LMO7: variants seen among roughly 807,000 people sequenced by gnomAD.
LMO7 encodes LIM domain 7.
Under a neutral mutation model 206.5 loss-of-function variants are expected in LMO7, and 120 were observed. The ratio of observed to expected loss-of-function variants is 0.58; its 90% CI spans 0.50 to 0.68. The LOEUF (loss-of-function observed/expected upper bound fraction) is 0.68. LMO7 is among the 30% of genes least tolerant of loss of function. The pLI is 0.00. For synonymous variants in LMO7, 706 were observed against 681.5 expected (o/e 1.04, Z -0.56); for missense variants, 1,959 against 1,957.9 (o/e 1.00, Z -0.01).
chr13:75,740,479 A>T (rs762667956), intron 3 of LMO7, among the ~76,000 whole-genome samples: 1 of 152,232 alleles, frequency 6.6e-6, no homozygotes, highest in Non-Finnish European at 1.5e-5. Flanking sequence ...TAAATTAAAG[A>T]AGCAAAATAC....
At chr13:75,688,207 A>G (rs889860411) in intron 1 of LMO7, among the ~76,000 whole-genome samples, 1 of 152,144 alleles carries the variant, frequency 6.6e-6, no homozygotes, top group Non-Finnish European at 1.5e-5. Flanking sequence ...GTAACACAGT[A>G]CCTTTAAACC....
intron 15 of LMO7, among the ~76,000 whole-genome samples, chr13:75,831,457 G>A (rs1172600843): frequency 6.6e-6 from 1 of 152,056 alleles, no homozygotes; most frequent in African/African-American, 2.4e-5. Context: ...TCAAATTCTT[G>A]TGTACTCAGT....
Position 75,623,156 on chromosome 13 carries a change from A to G in LMO7, c.176-115A>G, listed in dbSNP as rs1394722070. The G allele has an allele frequency of 4.9e-6, 3 of 611,308 alleles. No individual in the cohort carries two copies. In the African/African-American group the frequency reaches 5.7e-5, roughly 12 times the overall value. 37.9% of individuals were successfully genotyped at this position (611,308 alleles called of 1,614,324 possible). On this transcript the variant is annotated intron_variant, in intron 1 of 29. Transcript: ENST00000341547. Reference sequence around the variant, plus strand: ...TTTGGCATCTCTACTAAATAGTATCATGCTTTGGAATTTCAGTAAAATATT... The same window carrying G: ...TTTGGCATCTCTACTAAATAGTATCGTGCTTTGGAATTTCAGTAAAATATT...
intron 1 of LMO7, among the ~76,000 whole-genome samples, chr13:75,668,111 G>A (rs146034491): frequency 2.3e-4 from 35 of 152,306 alleles, no homozygotes; most frequent in African/African-American, 7.9e-4. Flanking sequence ...GGGAGGCTGA[G>A]GCACAAGAAT....
rs2061152139 is a variant in LMO7, at chr13:75,859,159, T to A, written c.*1216T>A. On this transcript the variant is annotated 3_prime_UTR_variant, in exon 31 of 31. Transcript: ENST00000377534. ...TTAAACTTACTGGAATCTTTTATAA[T>A]AATGTAAGTGGAATGGAGGATTCTA... 6.6e-6 allele frequency: 1 copy of A among 152,200 alleles called. No individual in the cohort carries two copies. Among genetic ancestry groups the A allele is most frequent in the Non-Finnish European group, 1.5e-5 (1 of 68,026 alleles). 9.4% of individuals were successfully genotyped at this position (152,200 alleles called of 1,614,324 possible). A position where few individuals can be genotyped will look rare whatever the true frequency, so the allele number is the denominator to read the frequency against.
intron 15 of LMO7, among the ~76,000 whole-genome samples, chr13:75,830,294 G>A (rs2058537369): frequency 6.6e-6 from 1 of 152,162 alleles, no homozygotes; most frequent in South Asian, 2.1e-4. Context: ...TAAGGGGAAG[G>A]CCCCACAAGT....
At chr13:75,782,436 T>C (rs1477284359) in intron 4 of LMO7, among the ~76,000 whole-genome samples, 1 of 152,216 alleles carries the variant, frequency 6.6e-6, no homozygotes, top group African/African-American at 2.4e-5. Context: ...GTCTCACCTC[T>C]GTAAAATGTG....
chr13:75,818,319 T>C (rs2057254110), intron 12 of LMO7, among the ~76,000 whole-genome samples: 1 of 152,152 alleles, frequency 6.6e-6, no homozygotes, highest in Admixed American at 6.5e-5. Flanking sequence ...TCTCAGGCTG[T>C]TTTAAAGCAG....
At chr13:75,839,332 C>A (rs1375748830) in intron 20 of LMO7, among the ~76,000 whole-genome samples, 2 of 152,068 alleles carry the variant, frequency 1.3e-5, no homozygotes, top group African/African-American at 4.8e-5. Flanking sequence ...TTTTCTAGGT[C>A]TCAAAGCAAT....
intron 1 of LMO7, among the ~76,000 whole-genome samples, chr13:75,651,339 TCA>T (rs1432790784): frequency 6.7e-6 from 1 of 148,312 alleles, no homozygotes; most frequent in Non-Finnish European, 1.5e-5. Flanking sequence ...AGACAGAGTC[TCA>T]CTTTGTCACC....
chr13:75,764,806 A>C (rs1210738504), intron 4 of LMO7, among the ~76,000 whole-genome samples: 1 of 152,168 alleles, frequency 6.6e-6, no homozygotes, highest in Non-Finnish European at 1.5e-5. Context: ...ACAGAGTGGC[A>C]ATGACTTTGA....
At chr13:75,680,677 C>T (rs559768536) in intron 1 of LMO7, among the ~76,000 whole-genome samples, 4 of 152,044 alleles carry the variant, frequency 2.6e-5, no homozygotes, top group South Asian at 4.2e-4. Flanking sequence ...CCCATCAACC[C>T]GTCACCTGTA....
Position 75,823,754 on chromosome 13 carries a change from C to A in LMO7, c.2830C>A (p.Leu944Ile), listed in dbSNP as rs1222557576. 6.2e-7 allele frequency: 1 copy of A among 1,614,150 alleles called. No homozygotes were observed. The highest frequency in any genetic ancestry group is 1.1e-5 in the South Asian group (1 of 91,084). The change falls in exon 15 of 31, where the codon CTT becomes ATT. Residue 944 changes from leucine (L) to isoleucine (I), a missense_variant. Leu to Ile is a conservative substitution (Grantham distance 5). Coordinates refer to ENST00000377534, the MANE Select transcript of LMO7 (RefSeq NM_001306080.2). ...CTCTCCTACATCCCCCTTCTCATCT[C>A]TTTCCCAAGACCAGGCTGCCACTTC... is the stretch of plus-strand genomic sequence containing the variant. ...LPSPTSPFSSLSQDQAATSKA... is the reference protein window; with the variant it reads ...LPSPTSPFSSISQDQAATSKA...
chr13:75,850,910 A>G (rs2060448234), intron 27 of LMO7, among the ~76,000 whole-genome samples: 1 of 152,032 alleles, frequency 6.6e-6, no homozygotes, highest in Non-Finnish European at 1.5e-5. Context: ...CTGTAGCTGT[A>G]GAGGCTTCAC....
chr13:75,784,415 G>A (rs988706487), intron 4 of LMO7, among the ~76,000 whole-genome samples: 3 of 152,088 alleles, frequency 2.0e-5, no homozygotes, highest in African/African-American at 4.8e-5. Context: ...CATTTGGGGA[G>A]GGTACTAATT....
At chr13:75,763,266 A>T (rs2048424265) in intron 4 of LMO7, among the ~76,000 whole-genome samples, 1 of 152,096 alleles carries the variant, frequency 6.6e-6, no homozygotes, top group Non-Finnish European at 1.5e-5. Context: ...AATGCACGGG[A>T]TAGCCTCCAC....
chr13:75,623,824 TGTGGTGTAACTAGGAAG>T (rs1263186139), intron 2 of LMO7, among the ~76,000 whole-genome samples: 1 of 152,230 alleles, frequency 6.6e-6, no homozygotes, highest in Non-Finnish European at 1.5e-5. Context: ...GAAATCTGAC[TGTGGTGTAACTAGGAAG>T]GTGATGTGAT....
At chr13:75,777,322 C>T (rs1323566861) in intron 4 of LMO7, among the ~76,000 whole-genome samples, 1 of 152,176 alleles carries the variant, frequency 6.6e-6, no homozygotes, top group East Asian at 1.9e-4. Context: ...CCTGCTTTAA[C>T]CAGCAAACCA....
intron 25 of LMO7, among the ~76,000 whole-genome samples, 195 bp downstream of exon 25, chr13:75,843,111 A>AT (rs1220348299): frequency 6.6e-6 from 1 of 152,208 alleles, no homozygotes; most frequent in Admixed American, 6.5e-5. Context: ...GAATTAGCTT[A>AT]TGATTTTATG....
Sources: allele counts gnomAD v4.1 joint callset (sites outside exome capture counted in the v4.1 genomes callset), GRCh38; gene constraint gnomAD v4.1.1; transcripts MANE v1.5; gene names NCBI Gene and HGNC (gene_info 2026-07-23, HGNC 2026-07-21).